The following RBM26 variants were observed in gnomAD, a reference collection of about 807,000 sequenced individuals.
RBM26 encodes RNA binding motif protein 26.
In RBM26, 30 loss-of-function variants were observed where a neutral mutation model predicts 123.6. The observed-to-expected ratio is 0.24, with a 90% CI of 0.18 to 0.33. The LOEUF is 0.33. Ranked by LOEUF, RBM26 falls within the 10% of genes least tolerant of loss-of-function variation. The pLI is 1.00. For synonymous variants in RBM26, 400 were observed against 404.4 expected (o/e 0.99, Z 0.13); for missense variants, 947 against 1,203.6 (o/e 0.79, Z 3.15).
At chr13:79,352,661 A>G (rs2073421250) in intron 14 of RBM26, among the ~76,000 whole-genome samples, 1 of 152,202 alleles carries the variant, frequency 6.6e-6, no homozygotes, top group African/African-American at 2.4e-5. Flanking sequence ...AAATATTTGT[A>G]AATAAATGAT....
intron 1 of RBM26, among the ~76,000 whole-genome samples, chr13:79,384,514 C>T (rs919420703): frequency 1.3e-5 from 2 of 152,140 alleles, no homozygotes; most frequent in Non-Finnish European, 2.9e-5. Context: ...TCCTCGGCCT[C>T]CCAAAGTGTT....
intron 19 of RBM26, 37 bp downstream of exon 19, chr13:79,337,065 T>C (rs1303976545): frequency 5.1e-6 from 8 of 1,573,974 alleles, no homozygotes; most frequent in Non-Finnish European, 7.0e-6. Context: ...CCAATGATGA[T>C]TATCAGCATT....
At chr13:79,344,968 G>A (rs1206201521) in intron 14 of RBM26, among the ~76,000 whole-genome samples, 174 bp from the exon 15 acceptor site, 1 of 151,470 alleles carries the variant, frequency 6.6e-6, no homozygotes, top group Non-Finnish European at 1.5e-5. Flanking sequence ...GAAAGGTAGA[G>A]TATAAATAAT....
intron 19 of RBM26, among the ~76,000 whole-genome samples, chr13:79,334,884 G>C (rs2070060784): frequency 1.3e-5 from 2 of 152,046 alleles, no homozygotes; most frequent in Admixed American, 1.3e-4. Flanking sequence ...AAAGTTAATT[G>C]TTAATTAATG....
chr13:79,340,787 A>G (rs911412609), intron 18 of RBM26, among the ~76,000 whole-genome samples: 2 of 152,022 alleles, frequency 1.3e-5, no homozygotes, highest in Non-Finnish European at 1.5e-5. Context: ...TATGCAAAGA[A>G]TATCTCCATA....
At chr13:79,313,096 CT>C (rs2066942679) in exon 5 of RBM26, 2 of 151,880 alleles carry the variant, frequency 1.3e-5, no homozygotes, top group Admixed American at 1.3e-4. Flanking sequence ...ATATAAAAGG[CT>C]TTCATTATGC....
chr13:79,379,343 G>C (rs2076894477), intron 1 of RBM26, among the ~76,000 whole-genome samples: 1 of 142,564 alleles, frequency 7.0e-6, no homozygotes, highest in Non-Finnish European at 1.5e-5. Context: ...AGACCAGTCT[G>C]GGCAAAATGG....
chr13:79,326,857 A>T (rs1036665413), intron 20 of RBM26, among the ~76,000 whole-genome samples: 1 of 152,138 alleles, frequency 6.6e-6, no homozygotes, highest in African/African-American at 2.4e-5. Flanking sequence ...AAATAGAAAG[A>T]AAAAGAAGAG....
At chr13:79,343,106 G>C (rs2071699571) in intron 16 of RBM26, among the ~76,000 whole-genome samples, 1 of 151,666 alleles carries the variant, frequency 6.6e-6, no homozygotes, top group East Asian at 1.9e-4. Context: ...ACAACCAGAA[G>C]AAACTCAATT....
chr13:79,396,488 A>G (rs974545142), intron 1 of RBM26, among the ~76,000 whole-genome samples: 49 of 152,340 alleles, frequency 3.2e-4, no homozygotes, highest in African/African-American at 1.1e-3. Context: ...CAATGTCAAT[A>G]AATTTGGCAA....
intron 18 of RBM26, among the ~76,000 whole-genome samples, chr13:79,338,999 T>TA (rs1405797329): frequency 6.6e-6 from 1 of 152,150 alleles, no homozygotes; most frequent in Non-Finnish European, 1.5e-5. Flanking sequence ...TGTTGAGTCT[T>TA]AGATGTGAGA....
At chr13:79,383,745 G>A (rs894639444) in intron 1 of RBM26, among the ~76,000 whole-genome samples, 2 of 152,100 alleles carry the variant, frequency 1.3e-5, no homozygotes, top group African/African-American at 2.4e-5. Flanking sequence ...CACGTGCTCT[G>A]AGGAAAAATC....
chr13:79,394,167 G>A (rs2078349611), intron 1 of RBM26, among the ~76,000 whole-genome samples: 1 of 152,172 alleles, frequency 6.6e-6, no homozygotes. Flanking sequence ...ACATTGTGGG[G>A]ACAAACACTA....
intron 17 of RBM26, 139 bp downstream of exon 17, chr13:79,342,525 T>A (rs1395130413): frequency 1.1e-5 from 7 of 629,450 alleles, no homozygotes; most frequent in Non-Finnish European, 1.9e-5. Context: ...CTTTTTTATT[T>A]ATGGCAGGGG....
At chr13:79,330,662 A>G (rs2138710416) in intron 20 of RBM26, among the ~76,000 whole-genome samples, 1 of 152,340 alleles carries the variant, frequency 6.6e-6, no homozygotes, top group Middle Eastern at 3.4e-3. Flanking sequence ...AAGCAAGTTT[A>G]GTAATATTTG....
At chr13:79,400,120 A>C (rs1467018443) in intron 1 of RBM26, among the ~76,000 whole-genome samples, 1 of 152,200 alleles carries the variant, frequency 6.6e-6, no homozygotes, top group Non-Finnish European at 1.5e-5. Flanking sequence ...GACAGTCTTT[A>C]ATCAGACTTT....
At position 79,322,459 on chromosome 13, in the gene RBM26, C is replaced by A; in HGVS notation, c.2824G>T (p.Ala942Ser). ...FKTRAEAEAA[A>S]VHGARFKGQD... ...CCTTTGAAACGAGCTCCATGAACTGCAGCCTAAAATGATTAAAAATATTGG... is the reference window on the plus strand; with the variant it reads ...CCTTTGAAACGAGCTCCATGAACTGAAGCCTAAAATGATTAAAAATATTGG... Residue 942 changes from alanine to serine, a missense_variant, in exon 21 of 22, where the codon GCA (alanine) becomes TCA (serine). Physicochemically the swap from Ala to Ser is moderately conservative, Grantham distance 99 (BLOSUM62 1). Transcript: ENST00000438737. The A allele has an allele frequency of 1.9e-6, 3 of 1,549,526 alleles. No individual in the cohort carries two copies. Among genetic ancestry groups the A allele is most frequent in the Non-Finnish European group, 2.6e-6 (3 of 1,154,480 alleles).
chr13:79,344,576 A>G (rs552391833), intron 15 of RBM26, 93 bp downstream of exon 15: 1 of 1,132,768 alleles, frequency 8.8e-7, no homozygotes, highest in African/African-American at 1.6e-5. Context: ...ACACCCTTGT[A>G]GTCTTATTTT....
rs201772775 is a variant in RBM26, at chr13:79,342,807, T to C, written c.2284A>G (p.Asn762Asp). 6.3e-7 allele frequency: 1 copy of C among 1,595,494 alleles called. No homozygotes were observed. Among genetic ancestry groups the C allele is most frequent in the Non-Finnish European group, 8.5e-7 (1 of 1,172,190 alleles). The change falls in exon 17 of 22, where the codon AAC becomes GAC. Residue 762 changes from asparagine (N) to aspartate (D), a missense_variant. By Grantham distance (23) the Asn-to-Asp change is conservative. Around this residue, in one of 5 missense-constraint regions of RBM26, gnomAD observed 493 missense variants for 563.1 expected, o/e 0.88. Coordinates refer to ENST00000438737, the MANE Select transcript of RBM26 (RefSeq NM_001366735.2). ...QKMLISKLEK[N>D]KTMKSEDKAE... ...TTATCTTCAGACTTCATTGTTTTGT[T>C]TTTCTCCAGTTTTGAAATTAACATC...
Sources: allele counts gnomAD v4.1 joint callset (sites outside exome capture counted in the v4.1 genomes callset), GRCh38; gene constraint gnomAD v4.1.1; regional missense constraint gnomAD v4.1.1; transcripts MANE v1.5; gene names NCBI Gene and HGNC (gene_info 2026-07-23, HGNC 2026-07-21).